EPB41L5: variants seen among roughly 807,000 people sequenced by gnomAD.
EPB41L5 encodes band 4.1-like protein 5.
A neutral mutation model predicts 106.6 loss-of-function variants in EPB41L5; 55 were observed. The ratio of observed to expected loss-of-function variants is 0.52; its 90% confidence interval spans 0.42 to 0.65. The LOEUF is 0.65. Among genes scored for constraint, EPB41L5 ranks in the 30% least tolerant of loss-of-function variants. The pLI is 0.00. For missense variants in EPB41L5, 871 were observed against 882.1 expected, an observed-to-expected ratio of 0.99 and a Z score of 0.16; for synonymous variants, 297 against 306.7, an observed-to-expected ratio of 0.97 and a Z score of 0.33.
chr2:120,038,225 T>G (rs72840488), intron 2 of EPB41L5, among the ~76,000 whole-genome samples: 7,001 of 152,242 alleles, frequency 0.046, 229 homozygotes, highest in Non-Finnish European at 0.072. Context: ...ACTTACACAT[T>G]TCTCCAAAGA....
Position 120,167,509 on chromosome 2 carries a change from T to G in EPB41L5, c.2004+2T>G. On this transcript the variant is annotated splice_donor_variant, in intron 23 of 24. Transcript: ENST00000263713. LOFTEE classifies it high-confidence loss of function. ...ATCACACCCCGGTGGATTGTTCCGG[T>G]AAGTTCATGTTATTTGTGATTTTTC... 6.2e-7 allele frequency: 1 copy of G among 1,613,774 alleles called. No individual in the cohort carries two copies. Among genetic ancestry groups the G allele is most frequent in the East Asian group, 2.2e-5 (1 of 44,876 alleles).
At chr2:120,133,061 G>C (rs1284811508) in intron 18 of EPB41L5, among the ~76,000 whole-genome samples, 1 of 152,058 alleles carries the variant, frequency 6.6e-6, no homozygotes, top group Admixed American at 6.5e-5. Context: ...CAGGATAGGA[G>C]AGTAAAGGAG....
At chr2:120,127,282 A>G (rs1377601946) in intron 16 of EPB41L5, among the ~76,000 whole-genome samples, 12 of 152,210 alleles carry the variant, frequency 7.9e-5, no homozygotes, top group African/African-American at 2.9e-4. Context: ...CATTTGAGAT[A>G]AAAACTTTTC....
intron 16 of EPB41L5, chr2:120,104,131 A>G (rs1001192398): frequency 4.6e-6 from 7 of 1,536,002 alleles, no homozygotes; most frequent in Non-Finnish European, 6.1e-6. Context: ...CCCCCACCCC[A>G]GACCGCACAT....
At chr2:120,066,433 T>C (rs1337874009) in intron 3 of EPB41L5, among the ~76,000 whole-genome samples, 1 of 152,220 alleles carries the variant, frequency 6.6e-6, no homozygotes, top group Non-Finnish European at 1.5e-5. Flanking sequence ...ATGTAAGTAA[T>C]TTTTCAAATT....
intron 24 of EPB41L5, among the ~76,000 whole-genome samples, chr2:120,168,610 A>G (rs554799993): frequency 1.3e-5 from 2 of 152,208 alleles, no homozygotes; most frequent in African/African-American, 2.4e-5. Flanking sequence ...TTTTTTCTGA[A>G]TATATCCCAC....
intron 20 of EPB41L5, among the ~76,000 whole-genome samples, chr2:120,159,726 TAGAG>T (rs1574778844): frequency 6.6e-6 from 1 of 152,116 alleles, no homozygotes; most frequent in Admixed American, 6.6e-5. Flanking sequence ...TGGAACAGAA[TAGAG>T]AGCCCAGAAA....
chr2:120,048,374 C>G (rs1452142498), intron 3 of EPB41L5, among the ~76,000 whole-genome samples: 1 of 152,084 alleles, frequency 6.6e-6, no homozygotes, highest in Non-Finnish European at 1.5e-5. Context: ...CAGCTTCTTC[C>G]TGGTTTAGTC....
chr2:120,155,402 G>A (rs1217514177), intron 20 of EPB41L5, among the ~76,000 whole-genome samples: 1 of 152,160 alleles, frequency 6.6e-6, no homozygotes, highest in African/African-American at 2.4e-5. Context: ...TACATGATGA[G>A]TCGTTTCTGT....
chr2:120,135,206 G>A (rs1300162019), intron 18 of EPB41L5, among the ~76,000 whole-genome samples: 2 of 151,980 alleles, frequency 1.3e-5, no homozygotes, highest in East Asian at 1.9e-4. Context: ...AATTGATCAA[G>A]CAGAAGAAAG....
intron 22 of EPB41L5, among the ~76,000 whole-genome samples, chr2:120,166,791 G>GT (rs1417894568): frequency 3.3e-5 from 5 of 152,196 alleles, no homozygotes; most frequent in Admixed American, 1.3e-4. Flanking sequence ...ACTTACATTA[G>GT]TTTTTTCTTA....
chr2:120,137,268 C>T (rs1685965994), intron 18 of EPB41L5, among the ~76,000 whole-genome samples: 1 of 151,790 alleles, frequency 6.6e-6, no homozygotes, highest in South Asian at 2.1e-4. Flanking sequence ...AAAAGTAGAA[C>T]AATTTCAGAT....
intron 20 of EPB41L5, among the ~76,000 whole-genome samples, chr2:120,159,421 C>A (rs1687044173): frequency 4.2e-5 from 2 of 48,162 alleles, no homozygotes; most frequent in African/African-American, 1.4e-4. Context: ...GAGACTCCAT[C>A]TCAAAAAAAA....
intron 13 of EPB41L5, among the ~76,000 whole-genome samples, chr2:120,092,497 A>G (rs1430535056): frequency 2.0e-5 from 3 of 152,322 alleles, no homozygotes; most frequent in African/African-American, 7.2e-5. Context: ...AAAAAGCACT[A>G]TTTACCTTGA....
Position 120,105,226 on chromosome 2 carries a change from A to G in EPB41L5, c.1337+4412A>G, listed in dbSNP as rs1684379958. The G allele has an allele frequency of 4.1e-6, 4 of 983,560 alleles. No individual in the cohort carries two copies. In the African/African-American group the frequency reaches 5.2e-5, roughly 13 times the overall value. The allele number at this position is 983,560 out of a possible 1,614,324, so 60.9% of individuals were successfully genotyped here. ...TAGCTGGAAAAAGTCCATTTCTGAT[A>G]GGAAAACATGTTAAGGGAAGCATTT... is the stretch of plus-strand genomic sequence containing the variant. On this transcript the variant is annotated intron_variant, in intron 16 of 24. Coordinates refer to ENST00000263713, the MANE Select transcript of EPB41L5 (RefSeq NM_020909.4).
chr2:120,162,997 T>C (rs767463502), intron 21 of EPB41L5, among the ~76,000 whole-genome samples: 35 of 152,312 alleles, frequency 2.3e-4, no homozygotes, highest in Admixed American at 7.2e-4. Flanking sequence ...GGCTCATGCC[T>C]ATAAGCCAGC....
intron 16 of EPB41L5, chr2:120,106,957 A>T: frequency 1.1e-6 from 1 of 896,222 alleles, no homozygotes; most frequent in Non-Finnish European, 1.3e-6. Flanking sequence ...CACCTAGTAT[A>T]CAAACACTAA....
chr2:120,105,307 A>G lies in EPB41L5; in HGVS notation c.1337+4493A>G, dbSNP rs536465909. The G allele has an allele frequency of 6.8e-5, 65 of 959,390 alleles. No individual in the cohort carries two copies. The African/African-American group carries it at 7.0e-4, about 10-fold the overall frequency. 59.4% of individuals were successfully genotyped at this position (959,390 alleles called of 1,614,324 possible). A position where few individuals can be genotyped will look rare whatever the true frequency, so the allele number is the denominator to read the frequency against. Reference sequence around the variant, plus strand: ...TTTAGAAAAATTTTCAAATTTTTAAACTATGTACATAGAAATTTATAGATA... The same window carrying G: ...TTTAGAAAAATTTTCAAATTTTTAAGCTATGTACATAGAAATTTATAGATA... On this transcript the variant is annotated intron_variant, in intron 16 of 24. Coordinates refer to ENST00000263713, the MANE Select transcript of EPB41L5 (RefSeq NM_020909.4).
At chr2:120,110,326 T>C (rs921046725) in intron 16 of EPB41L5, among the ~76,000 whole-genome samples, 1 of 152,242 alleles carries the variant, frequency 6.6e-6, no homozygotes, top group African/African-American at 2.4e-5. Context: ...TAATGCCTAC[T>C]TATCTCTCCA....
Sources: allele counts gnomAD v4.1 joint callset (sites outside exome capture counted in the v4.1 genomes callset), GRCh38; gene constraint gnomAD v4.1.1; transcripts MANE v1.5; gene names NCBI Gene and HGNC (gene_info 2026-07-23, HGNC 2026-07-21).